Variants in PDE1A observed in about 807,000 individuals in gnomAD.
PDE1A encodes the protein dual specificity calcium/calmodulin-dependent 3',5'-cyclic nucleotide phosphodiesterase 1A.
PDE1A carries 35 observed loss-of-function variants against 61.7 expected under a neutral mutation model. The ratio of observed to expected loss-of-function variants is 0.57; its 90% CI spans 0.43 to 0.75. The LOEUF (loss-of-function observed/expected upper bound fraction) is 0.75, where lower values mean the gene tolerates loss of function less well. Ranked by LOEUF, PDE1A falls within the 30% of genes least tolerant of loss-of-function variation. The probability of loss-of-function intolerance (pLI) is 0.00; values close to 1 mark genes in which losing one functional copy is unlikely to be tolerated. For missense variants in PDE1A, 597 were observed against 630.6 expected (o/e 0.95, Z 0.57); for synonymous variants, 232 against 213.2 (o/e 1.09, Z -0.77).
chr2:182,187,958 A>T (rs1017541561), intron 11 of PDE1A, among the ~76,000 whole-genome samples: 2 of 150,888 alleles, frequency 1.3e-5, no homozygotes, highest in Non-Finnish European at 3.0e-5. Flanking sequence ...GTTAGCCAAG[A>T]TGGTCTTGAT....
At chr2:182,153,107 A>G (rs1690879693) in intron 13 of PDE1A, among the ~76,000 whole-genome samples, 1 of 152,196 alleles carries the variant, frequency 6.6e-6, no homozygotes, top group East Asian at 1.9e-4. Flanking sequence ...TGATCTACGG[A>G]AAATGAAAAA....
chr2:182,470,973 T>C (rs1328010691), intron 2 of PDE1A, among the ~76,000 whole-genome samples: 5 of 151,870 alleles, frequency 3.3e-5, no homozygotes, highest in Non-Finnish European at 7.4e-5. Flanking sequence ...GCTTAACTAC[T>C]GCATGTAGGT....
At chr2:182,207,519 G>T (rs923645691) in intron 7 of PDE1A, among the ~76,000 whole-genome samples, 1 of 152,188 alleles carries the variant, frequency 6.6e-6, no homozygotes, top group Non-Finnish European at 1.5e-5. Context: ...TTTGCATAAA[G>T]AAAGAAATTA....
At chr2:182,627,421 T>C in the PDE1A span, among the ~76,000 whole-genome samples, 2 of 86,374 alleles carry the variant, frequency 2.3e-5, no homozygotes, top group African/African-American at 7.3e-5. Context: ...AAATATATAT[T>C]ATATTTAAAT....
chr2:182,682,600 T>C, the PDE1A span, among the ~76,000 whole-genome samples: 2 of 152,204 alleles, frequency 1.3e-5, no homozygotes, highest in Non-Finnish European at 2.9e-5. Flanking sequence ...AGTTTCTATG[T>C]TTAATCAAAG....
the PDE1A span, among the ~76,000 whole-genome samples, chr2:182,700,326 C>G: frequency 2.7e-5 from 4 of 149,184 alleles, no homozygotes; most frequent in African/African-American, 1.0e-4. Context: ...AAACCCAACA[C>G]TTTGGGAGGC....
At chr2:182,357,098 T>C (rs1302284735) in intron 1 of PDE1A, among the ~76,000 whole-genome samples, 3 of 151,806 alleles carry the variant, frequency 2.0e-5, no homozygotes, top group African/African-American at 4.8e-5. Context: ...AGTTAATGGG[T>C]GCAGCACACC....
chr2:182,612,695 A>G, the PDE1A span, among the ~76,000 whole-genome samples: 1 of 152,232 alleles, frequency 6.6e-6, no homozygotes, highest in Admixed American at 6.5e-5. Flanking sequence ...AGATGGGGAA[A>G]AGCAAAAAAG....
At chr2:182,144,646 G>T (rs894995537), downstream of PDE1A, among the ~76,000 whole-genome samples, 1 of 151,988 alleles carries the variant, frequency 6.6e-6, no homozygotes, top group Admixed American at 6.6e-5. Flanking sequence ...CAGAGACATG[G>T]CCAGGCTGCG....
chr2:182,652,225 A>ATATTACCTG, the PDE1A span, among the ~76,000 whole-genome samples: 1 of 152,124 alleles, frequency 6.6e-6, no homozygotes, highest in Non-Finnish European at 1.5e-5. Context: ...CCTCACATAT[A>ATATTACCTG]TATTACCTGT....
the PDE1A span, among the ~76,000 whole-genome samples, chr2:182,578,648 G>A: frequency 3.4e-4 from 52 of 152,252 alleles, 1 homozygote; most frequent in African/African-American, 1.3e-3. Flanking sequence ...CAATAGAAAA[G>A]TATACTGCTA....
rs187282425 is a variant in PDE1A at position 182,307,538 on chromosome 2, T to C, written c.54-43124A>G. 9.9e-4 allele frequency among the ~76,000 whole-genome samples: 151 copies of C among 152,278 alleles called. 1 individual carries two copies. The highest frequency in any genetic ancestry group is 3.4e-3 in the Middle Eastern group (1 of 294). On this transcript the variant is annotated intron_variant, in intron 1 of 13. Coordinates refer to ENST00000351439, the Ensembl canonical transcript of PDE1A. ...TCAATGAATTTCTGTTCATTATAAATTACTCAGTCTGTGATATTCTGTTAT... is the reference window on the plus strand; with the variant it reads ...TCAATGAATTTCTGTTCATTATAAACTACTCAGTCTGTGATATTCTGTTAT...
the PDE1A span, among the ~76,000 whole-genome samples, chr2:182,658,648 T>C: frequency 6.6e-6 from 1 of 152,236 alleles, no homozygotes; most frequent in Non-Finnish European, 1.5e-5. Flanking sequence ...AGTGGTACTC[T>C]ATTAATAAGC....
At chr2:182,616,191 C>T in the PDE1A span, among the ~76,000 whole-genome samples, 5 of 152,336 alleles carry the variant, frequency 3.3e-5, no homozygotes, top group East Asian at 7.7e-4. Context: ...TCACCTACCT[C>T]AGTGAGATGC....
chr2:182,229,754 T>C (rs113792673), intron 6 of PDE1A, among the ~76,000 whole-genome samples: 166 of 147,312 alleles, frequency 1.1e-3, no homozygotes, highest in African/African-American at 4.0e-3. Flanking sequence ...CAAACAAAAA[T>C]GTTTGGTAGT....
intron 2 of PDE1A, among the ~76,000 whole-genome samples, chr2:182,441,595 A>G (rs1029542398): frequency 8.5e-5 from 13 of 152,156 alleles, no homozygotes; most frequent in African/African-American, 2.2e-4. Context: ...AGTAGCAATT[A>G]GCACACCTAG....
chr2:182,522,587 A>G, intron 1 of PDE1A: 3 of 1,364,776 alleles, frequency 2.2e-6, no homozygotes, highest in Non-Finnish European at 2.8e-6. Flanking sequence ...CACCCCCCTA[A>G]GCAGACAGCA....
intron 2 of PDE1A, among the ~76,000 whole-genome samples, chr2:182,450,992 T>C (rs180692546): frequency 3.0e-4 from 46 of 152,214 alleles, no homozygotes; most frequent in African/African-American, 7.5e-4. Context: ...GTAATTCCCA[T>C]TGAAGTAAGT....
In PDE1A at chr2:182,390,828, C is replaced by T. The variant is rs568957164; in HGVS notation, c.53+35750G>A. 4.6e-5 allele frequency among the ~76,000 whole-genome samples: 7 copies of T among 152,276 alleles called. No homozygotes were observed. The South Asian group carries it at 1.5e-3, about 32-fold the overall frequency. ...TGCCCAGTAGTGACAACATCCCTACCCACAACCACACTACCATCAGCCTTC... is the reference window on the plus strand; with the variant it reads ...TGCCCAGTAGTGACAACATCCCTACTCACAACCACACTACCATCAGCCTTC... On this transcript the variant is annotated intron_variant, in intron 1 of 13. Transcript: ENST00000351439.
Sources: gnomAD v4.1 joint callset for allele counts (sites outside exome capture counted in the v4.1 genomes callset) on GRCh38, gnomAD v4.1.1 for gene constraint, MANE v1.5 for transcripts, NCBI Gene and HGNC (gene_info 2026-07-23, HGNC 2026-07-21) for gene names.